Variants in PLD5 observed in about 807,000 individuals in gnomAD.
The protein encoded by PLD5 is phospholipase D family member 5.
Under a neutral mutation model 61.1 loss-of-function variants are expected in PLD5, and 36 were observed. That is an observed-to-expected ratio of 0.59 (90% CI 0.45 to 0.78). The LOEUF (loss-of-function observed/expected upper bound fraction) is 0.78, where lower values mean the gene tolerates loss of function less well. Among genes scored for constraint, PLD5 ranks in the 30% least tolerant of loss-of-function variants. The pLI is 0.00. For synonymous variants in PLD5, 243 were observed against 242.8 expected (o/e 1.00, Z -0.01); for missense variants, 515 against 644.4 (o/e 0.80, Z 2.17).
chr1:242,286,870 TA>T (rs994999134), intron 3 of PLD5, among the ~76,000 whole-genome samples: 1 of 152,128 alleles, frequency 6.6e-6, no homozygotes, highest in African/African-American at 2.4e-5. Context: ...CTTGATGTAG[TA>T]GAATTCCCAC....
At chr1:242,193,828 AG>A (rs768690658) in intron 5 of PLD5, among the ~76,000 whole-genome samples, 7 of 152,210 alleles carry the variant, frequency 4.6e-5, no homozygotes, top group Non-Finnish European at 1.0e-4. Flanking sequence ...TGGGAGGATC[AG>A]ATAAATTAAT....
At chr1:242,429,862 A>G (rs938735584) in intron 1 of PLD5, among the ~76,000 whole-genome samples, 2 of 152,228 alleles carry the variant, frequency 1.3e-5, no homozygotes, top group Non-Finnish European at 2.9e-5. Context: ...AGAAACGAAA[A>G]TATCTATGAT....
At chr1:242,391,448 G>T (rs924455096) in intron 1 of PLD5, among the ~76,000 whole-genome samples, 1 of 152,114 alleles carries the variant, frequency 6.6e-6, no homozygotes, top group African/African-American at 2.4e-5. Flanking sequence ...ACACACAAAA[G>T]GTGAGAGAAA....
At chr1:242,187,878 G>A (rs760936503) in intron 5 of PLD5, among the ~76,000 whole-genome samples, 15 of 152,102 alleles carry the variant, frequency 9.9e-5, no homozygotes, top group Non-Finnish European at 1.6e-4. Context: ...GCTGGTGTAC[G>A]GGGCCACAAA....
At chr1:242,512,172 G>C (rs1427109687) in intron 1 of PLD5, among the ~76,000 whole-genome samples, 1 of 151,786 alleles carries the variant, frequency 6.6e-6, no homozygotes, top group Non-Finnish European at 1.5e-5. Context: ...AGCACTTTGG[G>C]AGGCCAAGGA....
intron 1 of PLD5, among the ~76,000 whole-genome samples, chr1:242,512,214 A>G (rs1004908260): frequency 3.3e-5 from 5 of 151,558 alleles, no homozygotes; most frequent in Non-Finnish European, 5.9e-5. Context: ...GATCGAGACC[A>G]TCCTGGCTAA....
At chr1:242,529,046 T>C (rs1340394583), upstream of PLD5, among the ~76,000 whole-genome samples, 1 of 152,200 alleles carries the variant, frequency 6.6e-6, no homozygotes, top group Non-Finnish European at 1.5e-5. Context: ...CTATTCTTTG[T>C]TGTCAAGAAA....
intron 1 of PLD5, among the ~76,000 whole-genome samples, chr1:242,374,889 ATTTGTATGTC>A (rs978912758): frequency 6.6e-6 from 1 of 152,140 alleles, no homozygotes; most frequent in Admixed American, 6.5e-5. Flanking sequence ...GATGCAATAA[ATTTGTATGTC>A]TTTCTCTAAT....
At chr1:242,528,311 C>CTTAG (rs1669488915), upstream of PLD5, among the ~76,000 whole-genome samples, 1 of 152,122 alleles carries the variant, frequency 6.6e-6, no homozygotes, top group African/African-American at 2.4e-5. Context: ...TGTTACTGTT[C>CTTAG]TTAGAACTTT....
rs2809994 is a variant in PLD5, at chr1:242,401,043, G to A, written c.190-52801C>T. Among the ~76,000 whole-genome samples the A allele has an allele frequency of 3.5e-3, 533 of 152,136 alleles. 2 individuals carry two copies. Among genetic ancestry groups the A allele is most frequent in the African/African-American group, 0.012 (501 of 41,484 alleles). ...ACCACTCCAGGGTCTAATAAGCATC[G>A]CAAACACATGGGCAAAGCACCATCC... On this transcript the variant is annotated intron_variant, in intron 1 of 9. Coordinates refer to ENST00000536534, the MANE Select transcript of PLD5 (RefSeq NM_001372062.1).
At chr1:242,404,992 G>T (rs1001826258) in intron 1 of PLD5, among the ~76,000 whole-genome samples, 1 of 147,366 alleles carries the variant, frequency 6.8e-6, no homozygotes, top group Non-Finnish European at 1.5e-5. Flanking sequence ...CAATTCTCCT[G>T]CCTCAGCCTC....
chr1:242,254,851 C>G (rs947394495), intron 4 of PLD5, among the ~76,000 whole-genome samples: 25 of 152,280 alleles, frequency 1.6e-4, no homozygotes, highest in Admixed American at 1.5e-3. Context: ...TGTGGCCAAA[C>G]GAGCATAGGA....
chr1:242,470,081 C>A (rs923944359), intron 1 of PLD5, among the ~76,000 whole-genome samples: 3 of 152,116 alleles, frequency 2.0e-5, no homozygotes, highest in Non-Finnish European at 4.4e-5. Flanking sequence ...GTGGCTCATG[C>A]CTGTAATCCC....
chr1:242,088,464 C>G lies in PLD5; in HGVS notation c.*1390G>C, dbSNP rs1659575799. 6.6e-6 allele frequency: 1 copy of G among 152,094 alleles called. No homozygotes were observed. The highest frequency in any genetic ancestry group is 1.5e-5 in the Non-Finnish European group (1 of 68,026). 9.4% of individuals were successfully genotyped at this position (152,094 alleles called of 1,614,324 possible). A position where few individuals can be genotyped will look rare whatever the true frequency, so the allele number is the denominator to read the frequency against. On this transcript the variant is annotated 3_prime_UTR_variant, in exon 10 of 10. Transcript: ENST00000536534. ...ATAATGCTTAGCATTTATATAGGTT[C>G]TTTTGATTTCAAAACAAGTTATAAA... is the stretch of plus-strand genomic sequence containing the variant.
chr1:242,483,991 A>G (rs183610233), intron 1 of PLD5, among the ~76,000 whole-genome samples: 2 of 152,220 alleles, frequency 1.3e-5, no homozygotes, highest in East Asian at 3.9e-4. Flanking sequence ...GGCAGAAATA[A>G]AGATGTTCTT....
chr1:242,323,142 A>G (rs1361437646), intron 2 of PLD5, among the ~76,000 whole-genome samples: 6 of 152,188 alleles, frequency 3.9e-5, no homozygotes, highest in African/African-American at 2.4e-5. Flanking sequence ...GAAATGCTTT[A>G]TTCTTTAATT....
chr1:242,128,402 TCTA>T (rs57503352), intron 5 of PLD5, among the ~76,000 whole-genome samples: 7,404 of 152,112 alleles, frequency 0.049, 606 homozygotes, highest in African/African-American at 0.17. Context: ...GTTTGCCCTC[TCTA>T]CTGAGGCTGG....
chr1:242,504,891 C>T (rs1200172207), intron 1 of PLD5, among the ~76,000 whole-genome samples: 1 of 152,148 alleles, frequency 6.6e-6, no homozygotes, highest in Non-Finnish European at 1.5e-5. Context: ...TGCAGTGGCT[C>T]ACACCTGCAA....
rs1018632890 is a variant in PLD5, at chr1:242,299,026, A to G, written c.327-10496T>C. Among the ~76,000 whole-genome samples the G allele has an allele frequency of 8.6e-5, 11 of 127,772 alleles. No homozygotes were observed. In the South Asian group the frequency reaches 1.2e-3, roughly 14 times the overall value. The allele number at this position is 127,772 out of a possible 152,430, so 83.8% of individuals were successfully genotyped here. Reference sequence around the variant, plus strand: ...ACACAGTAGAAAGACAGGTGATTGGAAAAAAAAAAAAGTGGTTACAACTTA... The same window carrying G: ...ACACAGTAGAAAGACAGGTGATTGGGAAAAAAAAAAAGTGGTTACAACTTA... On this transcript the variant is annotated intron_variant, in intron 2 of 9. Coordinates refer to ENST00000536534, the MANE Select transcript of PLD5 (RefSeq NM_001372062.1).
Sources: gnomAD v4.1 joint callset for allele counts (sites outside exome capture counted in the v4.1 genomes callset) on GRCh38, gnomAD v4.1.1 for gene constraint, MANE v1.5 for transcripts, NCBI Gene and HGNC (gene_info 2026-07-23, HGNC 2026-07-21) for gene names.